Variants in ACR observed in about 807,000 individuals in gnomAD.
The protein encoded by ACR is acrosin.
ACR carries 17 observed loss-of-function variants against 26.0 expected under a neutral mutation model. The observed-to-expected ratio is 0.65, with a 90% CI of 0.45 to 0.98. The LOEUF (loss-of-function observed/expected upper bound fraction) is 0.98. Ranked by LOEUF, ACR falls within the 50% of genes least tolerant of loss-of-function variation. The pLI, the probability that ACR is intolerant of heterozygous loss-of-function variation, is 0.00. For synonymous variants in ACR, 199 were observed against 207.7 expected (o/e 0.96, Z 0.36); for missense variants, 435 against 519.3 (o/e 0.84, Z 1.58).
chr22:50,744,781 C>G lies in ACR; in HGVS notation c.840C>G (p.Pro280=), dbSNP rs769574426. The G allele has an allele frequency of 1.3e-5, 21 of 1,611,048 alleles. No individual in the cohort carries two copies. Among genetic ancestry groups the G allele is most frequent in the Non-Finnish European group, 1.8e-5 (21 of 1,178,734 alleles). ...CCGGAATCTACACGGCCACCTGGCCCTATCTGAACTGGATCGCCTCCAAGA... is the reference window on the plus strand; with the variant it reads ...CCGGAATCTACACGGCCACCTGGCCGTATCTGAACTGGATCGCCTCCAAGA... ...KRPGIYTATW[P]YLNWIASKIG... Residue 280 remains proline (P), a synonymous_variant, in exon 5 of 5, where the codon CCC becomes CCG. Coordinates refer to ENST00000216139, the MANE Select transcript of ACR (RefSeq NM_001097.3).
intron 4 of ACR, 198 bp downstream of exon 4, chr22:50,744,404 C>T (rs1348662132): frequency 9.4e-6 from 6 of 641,244 alleles, no homozygotes; most frequent in South Asian, 3.9e-5. Context: ...CACCGGCTGC[C>T]CCTGCCATGT....
At chr22:50,741,731 A>G (rs2083425335) in intron 3 of ACR, among the ~76,000 whole-genome samples, 1 of 146,314 alleles carries the variant, frequency 6.8e-6, no homozygotes, top group East Asian at 2.0e-4. Flanking sequence ...ATGTCTTACC[A>G]CCTCCTTCAA....
intron 3 of ACR, among the ~76,000 whole-genome samples, chr22:50,741,591 C>T (rs911575859): frequency 6.6e-6 from 1 of 151,960 alleles, no homozygotes; most frequent in African/African-American, 2.4e-5. Flanking sequence ...TCCCATAAAC[C>T]TAATAGGATC....
rs2083407331 is a variant in ACR at position 50,738,251 on chromosome 22, C to G, written c.16C>G (p.Pro6Ala). 1.2e-6 allele frequency: 2 copies of G among 1,613,922 alleles called. No homozygotes were observed. The highest frequency in any genetic ancestry group is 2.2e-5 in the South Asian group (2 of 91,088). ...TGCCAGGAGTATGGTTGAGATGCTA[C>G]CAACTGCCATTCTGCTGGTCTTGGC... MVEML[P>A]TAILLVLAVS... Residue 6 changes from proline (P) to alanine (A), a missense_variant, in exon 1 of 5, where the codon CCA (proline) becomes GCA (alanine). Physicochemically the swap from Pro to Ala is conservative, Grantham distance 27. Transcript: ENST00000216139.
chr22:50,741,615 T>C (rs563065475), intron 3 of ACR, among the ~76,000 whole-genome samples: 2 of 152,136 alleles, frequency 1.3e-5, no homozygotes, highest in African/African-American at 2.4e-5. Flanking sequence ...CTGTTTCTGT[T>C]TGGGGTTTTT....
rs183029053 is a variant in ACR, at chr22:50,742,559, A to G, written c.566-1502A>G. Among the ~76,000 whole-genome samples, 642 of 132,924 alleles carry G rather than the reference A, an allele frequency of 4.8e-3. 39 individuals carry two copies. The East Asian group carries it at 0.12, about 25-fold the overall frequency. The allele number at this position is 132,924 out of a possible 152,430, so 87.2% of individuals were successfully genotyped here. On this transcript the variant is annotated intron_variant, in intron 3 of 4. Transcript: ENST00000216139. The stretch of plus-strand genomic sequence containing the variant: ...ACTCCGTCTCAAAAAAAAAAAAAAA[A>G]AAAATCGTCTTAATGGCTAATAAGC...
At chr22:50,744,607 G>A (rs755241889) in intron 4 of ACR, 46 bp from the exon 5 acceptor site, 1 of 1,571,684 alleles carries the variant, frequency 6.4e-7, no homozygotes, top group Non-Finnish European at 8.6e-7. Context: ...CTGGGCAGGG[G>A]AAGAGTGGCT....
chr22:50,740,214 T>C, intron 3 of ACR: 1 of 644,026 alleles, frequency 1.6e-6, no homozygotes, highest in Non-Finnish European at 2.8e-6. Context: ...GCAGCGTTGC[T>C]TAGAATGGGG....
Position 50,739,922 on chromosome 22 carries a change from C to T in ACR, c.510C>T (p.Leu170=). 1.9e-6 allele frequency: 3 copies of T among 1,613,956 alleles called. No individual in the cohort carries two copies. The highest frequency in any genetic ancestry group is 2.5e-6 in the Non-Finnish European group (3 of 1,180,012). The part of the protein sequence containing the change: ...PGCLPHFKAG[L]PRGSQSCWVA... ...GCCTGCCCCACTTTAAGGCAGGCCT[C>T]CCCAGAGGCTCCCAGAGCTGCTGGG... The change falls in exon 3 of 5, where the codon CTC becomes CTT. Residue 170 remains leucine, a synonymous_variant. Coordinates refer to ENST00000216139, the MANE Select transcript of ACR (RefSeq NM_001097.3). The surrounding 1 kb of genome is among the most constrained non-coding windows in gnomAD (Gnocchi z 5.5).
chr22:50,739,434 C>T lies in ACR; in HGVS notation c.241C>T (p.Arg81Ter), dbSNP rs769870090. The change falls in exon 2 of 5, where the codon CGA becomes TGA. Residue 81 changes from arginine to a stop codon, truncating the protein, a stop_gained. Coordinates refer to ENST00000216139, the MANE Select transcript of ACR (RefSeq NM_001097.3). LOFTEE classifies it high-confidence loss of function. This position sits in a 1 kb window ranked among gnomAD's most constrained non-coding sequence, Gnocchi z 5.5. ...ATGTGGAGGCAGCTTGCTGAATTCA[C>T]GATGGGTGCTCACTGCTGCTCACTG... ...HTCGGSLLNS[R>*]WVLTAAHCFV... The T allele has an allele frequency of 6.2e-7, 1 of 1,614,228 alleles. No individual in the cohort carries two copies. Among genetic ancestry groups the T allele is most frequent in the Non-Finnish European group, 8.5e-7 (1 of 1,180,034 alleles).
rs550216074 is a variant in ACR at position 50,739,637 on chromosome 22, G to A, written c.282-57G>A. 4.7e-3 allele frequency: 7,272 copies of A among 1,540,146 alleles called. 27 individuals carry two copies. Among genetic ancestry groups the A allele is most frequent in the Non-Finnish European group, 5.8e-3 (6,589 of 1,143,340 alleles). On this transcript the variant is annotated intron_variant, in intron 2 of 4. Transcript: ENST00000216139. The surrounding 1 kb of genome is among the most constrained non-coding windows in gnomAD (Gnocchi z 5.5). The stretch of plus-strand genomic sequence containing the variant: ...TTGCTAGGGGAAGGCCCTGAGGGTC[G>A]CTGTCACCAGGCTTTTGTCCAGCCG...
chr22:50,745,252 G>C lies in ACR; in HGVS notation c.*45G>C. ...GACCCAGTGAGCCCTTCACTCCTGA[G>C]AAAAAGGAAAGATGAAATAAATAAA... On this transcript the variant is annotated 3_prime_UTR_variant, in exon 5 of 5. Coordinates refer to ENST00000216139, the MANE Select transcript of ACR (RefSeq NM_001097.3). The C allele has an allele frequency of 1.0e-6, 1 of 997,476 alleles. No homozygotes were observed. Among genetic ancestry groups the C allele is most frequent in the Non-Finnish European group, 1.4e-6 (1 of 713,040 alleles). 61.8% of individuals were successfully genotyped at this position (997,476 alleles called of 1,614,324 possible).
chr22:50,744,304 C>T, intron 4 of ACR, 98 bp downstream of exon 4: 1 of 980,104 alleles, frequency 1.0e-6, no homozygotes, highest in Non-Finnish European at 1.6e-6. Flanking sequence ...CCACTATCTC[C>T]ACTGCTCTGC....
In ACR at chr22:50,739,467, G is replaced by A. The variant is rs896561196; in HGVS notation, c.274G>A (p.Gly92Ser). Reference sequence around the variant, plus strand: ...GCTCACTGCTGCTCACTGCTTCGTCGGCAAAAAGTACGTGTAGGGATGCAC... The same window carrying A: ...GCTCACTGCTGCTCACTGCTTCGTCAGCAAAAAGTACGTGTAGGGATGCAC... ...WVLTAAHCFV[G>S]KNNVHDWRLV... Residue 92 changes from glycine (G) to serine (S), a missense_variant, in exon 2 of 5, where the codon GGC becomes AGC. Gly to Ser is a moderately conservative substitution (Grantham distance 56, BLOSUM62 0). Transcript: ENST00000216139. The surrounding 1 kb of genome is among the most constrained non-coding windows in gnomAD (Gnocchi z 5.5). 5 of 1,614,126 alleles carry A rather than the reference G, an allele frequency of 3.1e-6. No homozygotes were observed. The highest frequency in any genetic ancestry group is 2.2e-5 in the East Asian group (1 of 44,874).
chr22:50,739,515 T>C lies in ACR; in HGVS notation c.281+41T>C. 1 of 1,609,396 alleles carries C rather than the reference T, an allele frequency of 6.2e-7. No individual in the cohort carries two copies. Among genetic ancestry groups the C allele is most frequent in the Non-Finnish European group, 8.5e-7 (1 of 1,176,288 alleles). ...CACTGAGGGAGGTCTTCAGAACGGC[T>C]CTTCTCAGAGAGGGGCGTTCCCCGG... On this transcript the variant is annotated intron_variant, in intron 2 of 4. Transcript: ENST00000216139. This position sits in a 1 kb window ranked among gnomAD's most constrained non-coding sequence, Gnocchi z 5.5.
chr22:50,742,528 A>G (rs1461122073), intron 3 of ACR, among the ~76,000 whole-genome samples: 5 of 135,408 alleles, frequency 3.7e-5, no homozygotes, highest in South Asian at 2.4e-4. Context: ...TGGGCGACAG[A>G]GCAAGACTCC....
chr22:50,743,110 A>C (rs1042800955), intron 3 of ACR, among the ~76,000 whole-genome samples: 2 of 151,250 alleles, frequency 1.3e-5, no homozygotes, highest in Non-Finnish European at 3.0e-5. Flanking sequence ...ATCTCGGCTC[A>C]CTGCAAGCTC....
In ACR at chr22:50,739,326, G is replaced by A. The variant is rs372139399; in HGVS notation, c.133G>A (p.Gly45Ser). Residue 45 changes from glycine to serine, a missense_variant, in exon 2 of 5, where the codon GGC becomes AGC. Gly to Ser is a moderately conservative substitution (Grantham distance 56). Around this residue, in one of 3 missense-constraint regions of ACR, gnomAD observed 314 missense variants for 372.0 expected, o/e 0.84. Transcript: ENST00000216139. This position sits in a 1 kb window ranked among gnomAD's most constrained non-coding sequence, Gnocchi z 5.5. ...CCCACAGGGTGGTGTCCGCATCGTC[G>A]GCGGGAAGGCTGCACAGCATGGGGC... ...QNPQGGVRIV[G>S]GKAAQHGAWP... is the part of the protein sequence containing the mutation. 3.1e-6 allele frequency: 5 copies of A among 1,608,506 alleles called. No homozygotes were observed. The highest frequency in any genetic ancestry group is 1.7e-5 in the Admixed American group (1 of 59,250).
rs545669049 is a variant in ACR at position 50,743,087 on chromosome 22, G to C, written c.566-974G>C. Among the ~76,000 whole-genome samples the C allele has an allele frequency of 8.6e-5, 13 of 151,858 alleles. No individual in the cohort carries two copies. The South Asian group carries it at 2.5e-3, about 29-fold the overall frequency. On this transcript the variant is annotated intron_variant, in intron 3 of 4. Coordinates refer to ENST00000216139, the MANE Select transcript of ACR (RefSeq NM_001097.3). The stretch of plus-strand genomic sequence containing the variant: ...GTCTCGCTCTGTGGCCCGGGCTGGA[G>C]TGCAGTGGCGCCATCTCGGCTCACT...
Sources: allele counts gnomAD v4.1 joint callset (sites outside exome capture counted in the v4.1 genomes callset), GRCh38; gene constraint gnomAD v4.1.1; regional missense constraint gnomAD v4.1.1; non-coding constraint Gnocchi (gnomAD v3.1); transcripts MANE v1.5; gene names NCBI Gene and HGNC (gene_info 2026-07-23, HGNC 2026-07-21).